CNKSR2: variants seen among roughly 807,000 people sequenced by gnomAD.
CNKSR2 encodes CNK homolog protein 2.
A neutral mutation model predicts 84.4 loss-of-function variants in CNKSR2; 14 were observed. The ratio of observed to expected loss-of-function variants is 0.17; its 90% confidence interval spans 0.11 to 0.26. CNKSR2 has a LOEUF of 0.26. Ranked by LOEUF, CNKSR2 falls within the 10% of genes least tolerant of loss-of-function variation. The pLI is 1.00. For synonymous variants in CNKSR2, 275 were observed against 277.9 expected (o/e 0.99, Z 0.10); for missense variants, 485 against 771.2 (o/e 0.63, Z 4.40).
Position 21,505,802 on chromosome X carries a change from AAATG to A in CNKSR2, c.810+4220_810+4223del, listed in dbSNP as rs1393516522. 12 of 111,779 alleles carry A rather than the reference AAATG, an allele frequency of 1.1e-4. No homozygotes were observed. The Admixed American group carries it at 1.1e-3, about 11-fold the overall frequency. 9.2% of individuals were successfully genotyped at this position (111,779 alleles called of 1,213,427 possible). ...TACCTCCTTCCCTGGACTTCAGCAG[AAATG>A]AATGAGTCATTGAGTGGAATCAATA... On this transcript the variant is annotated intron_variant, in intron 8 of 21. Transcript: ENST00000379510.
intron 4 of CNKSR2, among the ~76,000 whole-genome samples, chrX:21,445,472 G>A (rs938821723): frequency 9.1e-6 from 1 of 110,230 alleles, no homozygotes; most frequent in African/African-American, 3.3e-5. Flanking sequence ...CTCTTTTCCA[G>A]CTTTTTGAAA....
At chrX:21,621,764 C>T (rs1017641155) in intron 20 of CNKSR2, among the ~76,000 whole-genome samples, 5 of 110,556 alleles carry the variant, frequency 4.5e-5, no homozygotes, top group Non-Finnish European at 9.5e-5. Context: ...TCTTCCCTTC[C>T]AACTTAGAGA....
intron 11 of CNKSR2, among the ~76,000 whole-genome samples, chrX:21,539,518 G>A (rs2091958372): frequency 9.1e-6 from 1 of 110,049 alleles, no homozygotes; most frequent in African/African-American, 3.3e-5. Context: ...TTTTCCTTTG[G>A]TGTATATTGC....
At chrX:21,428,181 T>C (rs940197790) in intron 2 of CNKSR2, 8 of 111,978 alleles carry the variant, frequency 7.1e-5, no homozygotes, top group Admixed American at 1.9e-4. Flanking sequence ...TTCTGCCCAG[T>C]GCTTAGCTCA....
intron 5 of CNKSR2, among the ~76,000 whole-genome samples, chrX:21,472,006 A>C (rs2091203464): frequency 8.9e-6 from 1 of 111,978 alleles, no homozygotes; most frequent in African/African-American, 3.2e-5. Flanking sequence ...ACAAATATTA[A>C]GTTGTTCAAC....
In CNKSR2 at chrX:21,642,145, A is replaced by G. The variant is rs1232611400; in HGVS notation, c.2693-6686A>G. On this transcript the variant is annotated intron_variant, in intron 20 of 21. Transcript: ENST00000379510. ...TATTGTACTAAATTAAGTGTAATCT[A>G]TTAAGGCAAGGTATACACAATTTGC... The G allele has an allele frequency of 1.9e-5, 14 of 747,145 alleles. No homozygotes were observed. In the South Asian group the frequency reaches 8.9e-4, roughly 48 times the overall value. 61.6% of individuals were successfully genotyped at this position (747,145 alleles called of 1,213,427 possible).
intron 20 of CNKSR2, among the ~76,000 whole-genome samples, chrX:21,618,458 A>T (rs1487237130): frequency 3.6e-5 from 4 of 112,211 alleles, no homozygotes; most frequent in Non-Finnish European, 5.6e-5. Flanking sequence ...GTTAAACCTC[A>T]TACTTGAAAA....
chrX:21,434,623 A>G (rs2090679424), intron 3 of CNKSR2, among the ~76,000 whole-genome samples: 1 of 111,645 alleles, frequency 9.0e-6, no homozygotes, highest in Non-Finnish European at 1.9e-5. Context: ...TGTCAGTTAA[A>G]TAGGATTAAT....
chrX:21,624,819 T>A (rs1197070854), intron 20 of CNKSR2, among the ~76,000 whole-genome samples: 1 of 112,373 alleles, frequency 8.9e-6, no homozygotes, highest in African/African-American at 3.2e-5. Flanking sequence ...CTAACCAAAC[T>A]TTTATTCTAT....
chrX:21,590,467 A>T, intron 13 of CNKSR2, 105 bp from the exon 14 acceptor site: 1 of 664,150 alleles, frequency 1.5e-6, no homozygotes, highest in South Asian at 3.7e-5. Context: ...TTCCCCTAAC[A>T]GTGTTTAGAG....
intron 20 of CNKSR2, among the ~76,000 whole-genome samples, chrX:21,625,162 T>C (rs750610286): frequency 8.9e-6 from 1 of 112,604 alleles, no homozygotes; most frequent in East Asian, 2.8e-4. Context: ...AAAGTAAAAA[T>C]AAAATAATTC....
At chrX:21,489,912 G>GT (rs1197154946) in intron 5 of CNKSR2, among the ~76,000 whole-genome samples, 1 of 111,765 alleles carries the variant, frequency 8.9e-6, no homozygotes, top group Non-Finnish European at 1.9e-5. Context: ...GTTTCAGATT[G>GT]TTCATAGAAT....
chrX:21,588,627 A>G (rs1323518911), intron 13 of CNKSR2, among the ~76,000 whole-genome samples: 1 of 111,861 alleles, frequency 8.9e-6, no homozygotes, highest in African/African-American at 3.2e-5. Context: ...TCTTTATGGA[A>G]ATATATTTAT....
At chrX:21,472,348 T>C (rs1218786214) in intron 5 of CNKSR2, among the ~76,000 whole-genome samples, 1 of 112,216 alleles carries the variant, frequency 8.9e-6, no homozygotes, top group Non-Finnish European at 1.9e-5. Context: ...AAGGCTGTTA[T>C]TGAGGTCAGT....
intron 5 of CNKSR2, among the ~76,000 whole-genome samples, chrX:21,483,593 A>ATAT (rs2091346191): frequency 1.0e-5 from 1 of 98,750 alleles, no homozygotes; most frequent in Non-Finnish European, 2.0e-5. Context: ...AGTATAATAA[A>ATAT]ATATATATAT....
chrX:21,550,444 T>C (rs1289277785), intron 11 of CNKSR2, among the ~76,000 whole-genome samples: 1 of 111,714 alleles, frequency 9.0e-6, no homozygotes, highest in Non-Finnish European at 1.9e-5. Context: ...TGTGGAGAAA[T>C]AGGAACACTT....
chrX:21,567,178 TATC>T (rs1293963997), intron 13 of CNKSR2, among the ~76,000 whole-genome samples: 1 of 111,896 alleles, frequency 8.9e-6, no homozygotes, highest in Non-Finnish European at 1.9e-5. Flanking sequence ...TATTTTCTCT[TATC>T]ATCCAGTAGT....
intron 18 of CNKSR2, among the ~76,000 whole-genome samples, chrX:21,602,125 T>G (rs933090005): frequency 9.0e-5 from 10 of 110,787 alleles, no homozygotes; most frequent in East Asian, 2.8e-4. Context: ...GTTTTGTTTT[T>G]TTTGTTTGTT....
At chrX:21,425,922 C>T (rs1194991049) in intron 1 of CNKSR2, 1 of 112,142 alleles carries the variant, frequency 8.9e-6, no homozygotes, top group Non-Finnish European at 1.9e-5. Context: ...GTGGGGAGCA[C>T]ACATGATCAA....
Sources: gnomAD v4.1 joint callset for allele counts (sites outside exome capture counted in the v4.1 genomes callset) on GRCh38, gnomAD v4.1.1 for gene constraint, MANE v1.5 for transcripts, NCBI Gene and HGNC (gene_info 2026-07-23, HGNC 2026-07-21) for gene names.